ZBTB25: variants seen among roughly 807,000 people sequenced by gnomAD.
The protein encoded by ZBTB25 is zinc finger and BTB domain-containing protein 25.
Under a neutral mutation model 34.2 loss-of-function variants are expected in ZBTB25, and 20 were observed. The observed-to-expected ratio is 0.58, with a 90% CI of 0.41 to 0.85. The LOEUF (loss-of-function observed/expected upper bound fraction) is 0.85, where lower values mean the gene tolerates loss of function less well. Ranked by LOEUF, ZBTB25 falls within the 40% of genes least tolerant of loss-of-function variation. The pLI, the probability that ZBTB25 is intolerant of heterozygous loss-of-function variation, is 0.00. For missense variants in ZBTB25, 437 were observed against 521.8 expected (o/e 0.84, Z 1.58); for synonymous variants, 175 against 186.4 (o/e 0.94, Z 0.50).
chr14:64,484,904 G>A lies in ZBTB25; in HGVS notation c.*2019C>T. Reference sequence around the variant, plus strand: ...TACAAATTTCAATAGTTGCTTAAGTGAATTGGTAGAAAAAAGTTTAAGATT... The same window carrying A: ...TACAAATTTCAATAGTTGCTTAAGTAAATTGGTAGAAAAAAGTTTAAGATT... On this transcript the variant is annotated 3_prime_UTR_variant, in exon 3 of 3. Transcript: ENST00000608382. 1.6e-6 allele frequency: 1 copy of A among 644,830 alleles called. No individual in the cohort carries two copies. Among genetic ancestry groups the A allele is most frequent in the Non-Finnish European group, 1.9e-6 (1 of 519,120 alleles). The allele number at this position is 644,830 out of a possible 1,614,324, so 39.9% of individuals were successfully genotyped here. A position where few individuals can be genotyped will look rare whatever the true frequency, so the allele number is the denominator to read the frequency against.
At chr14:64,494,050 A>T (rs1181852250) in intron 1 of ZBTB25, among the ~76,000 whole-genome samples, 1 of 152,166 alleles carries the variant, frequency 6.6e-6, no homozygotes, top group Non-Finnish European at 1.5e-5. Flanking sequence ...ATAATAAAGT[A>T]GACTAAAAAG....
intron 1 of ZBTB25, among the ~76,000 whole-genome samples, chr14:64,497,484 T>C (rs1388597534): frequency 6.6e-6 from 1 of 152,192 alleles, no homozygotes; most frequent in African/African-American, 2.4e-5. Flanking sequence ...AGAGAAATTA[T>C]GGAAAAATAA....
intron 1 of ZBTB25, among the ~76,000 whole-genome samples, chr14:64,497,034 C>T (rs1198984966): frequency 6.6e-6 from 1 of 152,142 alleles, no homozygotes; most frequent in East Asian, 1.9e-4. Flanking sequence ...TGAGTTTAAA[C>T]CCAGGGCCCT....
chr14:64,449,159 G>A, exon 3 of ZBTB25: 1 of 458,826 alleles, frequency 2.2e-6, no homozygotes, highest in Admixed American at 3.4e-5. Flanking sequence ...AATTTTCCAA[G>A]TATTTTACAT....
chr14:64,492,117 CAAAAAAAAA>C (rs58321068), intron 1 of ZBTB25, among the ~76,000 whole-genome samples: 1 of 74,016 alleles, frequency 1.4e-5, no homozygotes. Context: ...GACCCTATCT[CAAAAAAAAA>C]AAAAAAAAAA....
intron 1 of ZBTB25, among the ~76,000 whole-genome samples, chr14:64,495,763 C>T (rs948880785): frequency 6.6e-6 from 1 of 152,200 alleles, no homozygotes; most frequent in South Asian, 2.1e-4. Context: ...TCGAGACCAG[C>T]CTGGCCAACA....
intron 2 of ZBTB25, chr14:64,458,676 G>A (rs940008952): frequency 6.0e-5 from 21 of 347,112 alleles, no homozygotes; most frequent in African/African-American, 2.8e-4. Context: ...AACAGCTGAC[G>A]GTCTGTATAC....
intron 2 of ZBTB25, chr14:64,453,905 G>C: frequency 8.0e-7 from 1 of 1,248,226 alleles, no homozygotes; most frequent in South Asian, 1.2e-5. Flanking sequence ...TTGCAAAGCA[G>C]GACTTGGAGT....
In ZBTB25 at chr14:64,486,823, A is replaced by G. The variant is rs1194922005; in HGVS notation, c.*100T>C. The G allele has an allele frequency of 6.9e-7, 1 of 1,454,784 alleles. No homozygotes were observed. The highest frequency in any genetic ancestry group is 2.5e-5 in the East Asian group (1 of 40,614). The allele number at this position is 1,454,784 out of a possible 1,614,324, so 90.1% of individuals were successfully genotyped here. A position where few individuals can be genotyped will look rare whatever the true frequency, so the allele number is the denominator to read the frequency against. ...AACCATGGATAAGCTGTGAAGAAAA[A>G]AAGTCAATGAAACTTGAGGAGGAAA... On this transcript the variant is annotated 3_prime_UTR_variant, in exon 3 of 3. Coordinates refer to ENST00000608382, the MANE Select transcript of ZBTB25 (RefSeq NM_006977.5).
rs2078536336 is a variant in ZBTB25, at chr14:64,460,039, A to T, written c.174-10401T>A. On this transcript the variant is annotated intron_variant, in intron 2 of 2. Transcript: ENST00000555220. ...TTGCAATATGAATTACAGCCTTAAC[A>T]GACTGTGCCACAGGTCTCTGCCATC... The T allele has an allele frequency of 9.6e-6, 9 of 940,136 alleles. No individual in the cohort carries two copies. In the Admixed American group the frequency reaches 2.2e-4, roughly 23 times the overall value. 58.2% of individuals were successfully genotyped at this position (940,136 alleles called of 1,614,324 possible). A position where few individuals can be genotyped will look rare whatever the true frequency, so the allele number is the denominator to read the frequency against.
chr14:64,498,467 C>T (rs879893453), intron 1 of ZBTB25, among the ~76,000 whole-genome samples: 5 of 151,934 alleles, frequency 3.3e-5, no homozygotes, highest in South Asian at 2.1e-4. Flanking sequence ...GTGCCCATCA[C>T]GCCTGGCTAA....
intron 2 of ZBTB25, chr14:64,455,168 T>C (rs1392256217): frequency 2.9e-5 from 12 of 414,728 alleles, no homozygotes; most frequent in East Asian, 2.2e-4. Context: ...ATGAGCCCAG[T>C]TGATAGGCTG....
intron 2 of ZBTB25, chr14:64,461,639 A>G (rs190591701): frequency 7.9e-6 from 1 of 126,874 alleles, no homozygotes; most frequent in Admixed American, 1.0e-4. Flanking sequence ...TCTTTTGCCC[A>G]GGCTGCAGTG....
At chr14:64,465,215 C>A (rs2078597660) in intron 2 of ZBTB25, among the ~76,000 whole-genome samples, 1 of 151,662 alleles carries the variant, frequency 6.6e-6, no homozygotes, top group Admixed American at 6.5e-5. Flanking sequence ...CCCTGGTCCC[C>A]CCCGCCTTCC....
intron 1 of ZBTB25, among the ~76,000 whole-genome samples, chr14:64,494,704 T>C (rs2079209913): frequency 6.6e-6 from 1 of 152,076 alleles, no homozygotes; most frequent in Admixed American, 6.6e-5. Context: ...GGACAGGACA[T>C]TAAGGAAGCT....
intron 2 of ZBTB25, among the ~76,000 whole-genome samples, chr14:64,455,903 C>G (rs2078464825): frequency 6.6e-6 from 1 of 152,232 alleles, no homozygotes; most frequent in African/African-American, 2.4e-5. Flanking sequence ...GCCTCCTTAG[C>G]TCTCTATAGA....
At chr14:64,450,368 C>T (rs963794284) in intron 2 of ZBTB25, among the ~76,000 whole-genome samples, 3 of 152,178 alleles carry the variant, frequency 2.0e-5, no homozygotes, top group African/African-American at 4.8e-5. Context: ...TGTGCCCCCA[C>T]GTTCACTTCC....
rs1301168796 is a variant in ZBTB25 at position 64,481,593 on chromosome 14, G to T, written c.*5330C>A. On this transcript the variant is annotated 3_prime_UTR_variant, in exon 3 of 3. Coordinates refer to ENST00000608382, the MANE Select transcript of ZBTB25 (RefSeq NM_006977.5). ...TTTAGCACAAAATAGAGGAGTTGATGACAGTTAATGTCAATTGCACCAGAC... is the reference window on the plus strand; with the variant it reads ...TTTAGCACAAAATAGAGGAGTTGATTACAGTTAATGTCAATTGCACCAGAC... 1.3e-5 allele frequency: 2 copies of T among 152,174 alleles called. No homozygotes were observed. The highest frequency in any genetic ancestry group is 2.9e-5 in the Non-Finnish European group (2 of 68,040). The allele number at this position is 152,174 out of a possible 1,614,324, so 9.4% of individuals were successfully genotyped here. A position where few individuals can be genotyped will look rare whatever the true frequency, so the allele number is the denominator to read the frequency against.
chr14:64,489,540 C>CTT (rs372078564), intron 2 of ZBTB25, among the ~76,000 whole-genome samples: 32,298 of 142,390 alleles, frequency 0.23, 4,230 homozygotes, highest in Non-Finnish European at 0.31. Context: ...TTTCCTTTTT[C>CTT]TTTTTTTTTT....
Sources: gnomAD v4.1 joint callset for allele counts (sites outside exome capture counted in the v4.1 genomes callset) on GRCh38, gnomAD v4.1.1 for gene constraint, MANE v1.5 for transcripts, NCBI Gene and HGNC (gene_info 2026-07-23, HGNC 2026-07-21) for gene names.